ERG: variants seen among roughly 807,000 people sequenced by gnomAD.
ERG encodes the protein transcriptional regulator ERG.
A neutral mutation model predicts 55.3 loss-of-function variants in ERG; 9 were observed. The ratio of observed to expected loss-of-function variants is 0.16; its 90% CI spans 0.10 to 0.28. ERG has a LOEUF of 0.28. Among genes scored for constraint, ERG ranks in the 10% least tolerant of loss-of-function variants. The probability of loss-of-function intolerance (pLI) is 1.00; values close to 1 mark genes in which losing one functional copy is unlikely to be tolerated. For synonymous variants in ERG, 223 were observed against 237.3 expected (o/e 0.94, Z 0.55); for missense variants, 434 against 631.6 (o/e 0.69, Z 3.35).
At chr21:38,556,951 G>T (rs1226962610) in intron 2 of ERG, among the ~76,000 whole-genome samples, 2 of 152,198 alleles carry the variant, frequency 1.3e-5, no homozygotes, top group South Asian at 2.1e-4. Flanking sequence ...ACCCTCAGCA[G>T]AGCCTAACCC....
intron 1 of ERG, among the ~76,000 whole-genome samples, chr21:38,638,183 C>T (rs1251593777): frequency 6.6e-6 from 1 of 152,214 alleles, no homozygotes; most frequent in Non-Finnish European, 1.5e-5. Flanking sequence ...CCCATGGGAC[C>T]TTGAGCAAGT....
rs78165953 is a variant in ERG, at chr21:38,530,826, C to T, written c.-41+44836G>A. Among the ~76,000 whole-genome samples the T allele has an allele frequency of 9.3e-3, 1,412 of 152,204 alleles. 27 individuals are homozygous for T. The highest frequency in any genetic ancestry group is 0.032 in the African/African-American group (1,311 of 41,518). On this transcript the variant is annotated intron_variant, in intron 2 of 8. Transcript: ENST00000398897. ...CAAGAGCAACTGATCTTCAAAGTCCCGTCGAGTCACAGGATTTTGTAATGA... is the reference window on the plus strand; with the variant it reads ...CAAGAGCAACTGATCTTCAAAGTCCTGTCGAGTCACAGGATTTTGTAATGA...
chr21:38,574,366 C>T (rs2059981905), intron 2 of ERG, among the ~76,000 whole-genome samples: 1 of 152,190 alleles, frequency 6.6e-6, no homozygotes, highest in Admixed American at 6.5e-5. Context: ...AACAAAACAT[C>T]ACACAGAAAT....
chr21:38,455,936 G>A (rs1233168338), intron 1 of ERG, among the ~76,000 whole-genome samples: 1 of 151,708 alleles, frequency 6.6e-6, no homozygotes, highest in Non-Finnish European at 1.5e-5. Context: ...TGCAGGATGG[G>A]CACTTTAAGA....
chr21:38,622,596 ACAAT>A (rs1345585450), intron 1 of ERG, among the ~76,000 whole-genome samples: 1 of 149,400 alleles, frequency 6.7e-6, no homozygotes, highest in Non-Finnish European at 1.5e-5. Flanking sequence ...CACACCACAC[ACAAT>A]CACACACACA....
chr21:38,643,210 G>A (rs1458468730), intron 1 of ERG, among the ~76,000 whole-genome samples: 2 of 152,206 alleles, frequency 1.3e-5, no homozygotes, highest in Non-Finnish European at 2.9e-5. Flanking sequence ...TGCTTCACAG[G>A]TCCAGCCTGG....
At chr21:38,379,309 C>T (rs1987325280), downstream of ERG, among the ~76,000 whole-genome samples, 1 of 152,208 alleles carries the variant, frequency 6.6e-6, no homozygotes, top group Non-Finnish European at 1.5e-5. Flanking sequence ...CCTGCGACCT[C>T]CCTTCTAGAC....
chr21:38,515,202 G>A (rs993970256), intron 2 of ERG, among the ~76,000 whole-genome samples: 2 of 151,918 alleles, frequency 1.3e-5, no homozygotes, highest in African/African-American at 4.8e-5. Context: ...CAAAGTTTTT[G>A]TGAAACTTGA....
intron 1 of ERG, among the ~76,000 whole-genome samples, chr21:38,628,062 C>T (rs956465197): frequency 6.6e-6 from 1 of 151,726 alleles, no homozygotes. Context: ...ACACCTCCCA[C>T]CTCAGCCTCC....
At chr21:38,442,809 T>G (rs1012232263) in intron 2 of ERG, among the ~76,000 whole-genome samples, 28 of 152,294 alleles carry the variant, frequency 1.8e-4, no homozygotes, top group African/African-American at 6.3e-4. Flanking sequence ...TTTTTTATTT[T>G]TTATTTTTAT....
At chr21:38,645,307 G>C (rs1038260206) in intron 1 of ERG, among the ~76,000 whole-genome samples, 1 of 152,150 alleles carries the variant, frequency 6.6e-6, no homozygotes. Context: ...GTGAACTATG[G>C]CTATAGAGAA....
At chr21:38,442,511 G>A (rs997101433) in intron 2 of ERG, among the ~76,000 whole-genome samples, 3 of 152,220 alleles carry the variant, frequency 2.0e-5, no homozygotes, top group Non-Finnish European at 4.4e-5. Context: ...AACCACCCAA[G>A]AGCTTTCCCC....
At chr21:38,454,949 C>T (rs1383060184) in intron 1 of ERG, among the ~76,000 whole-genome samples, 1 of 152,154 alleles carries the variant, frequency 6.6e-6, no homozygotes, top group Admixed American at 6.5e-5. Flanking sequence ...TCAAATTCTA[C>T]ATTAGTTTGT....
At chr21:38,424,349 C>G (rs1238236514) in intron 2 of ERG, among the ~76,000 whole-genome samples, 1 of 152,120 alleles carries the variant, frequency 6.6e-6, no homozygotes, top group Non-Finnish European at 1.5e-5. Flanking sequence ...TATGCAAGCT[C>G]GAGTCCCATT....
chr21:38,421,278 C>T (rs775185608), intron 3 of ERG, among the ~76,000 whole-genome samples: 35 of 152,314 alleles, frequency 2.3e-4, no homozygotes, highest in Non-Finnish European at 3.5e-4. Flanking sequence ...TTCTCCCTTT[C>T]GTAATCTACC....
At chr21:38,466,715 A>G (rs190505864) in intron 1 of ERG, among the ~76,000 whole-genome samples, 2 of 152,320 alleles carry the variant, frequency 1.3e-5, no homozygotes, top group East Asian at 3.9e-4. Context: ...ATTTGCATGA[A>G]CCAACTTTAC....
At chr21:38,453,199 T>G (rs2058957284) in intron 1 of ERG, among the ~76,000 whole-genome samples, 2 of 152,224 alleles carry the variant, frequency 1.3e-5, no homozygotes, top group African/African-American at 2.4e-5. Flanking sequence ...CCACATAGGC[T>G]TAAATAGGGA....
chr21:38,592,234 T>C (rs1184362354), intron 1 of ERG, among the ~76,000 whole-genome samples: 1 of 152,200 alleles, frequency 6.6e-6, no homozygotes, highest in Non-Finnish European at 1.5e-5. Flanking sequence ...AATGCAGAGT[T>C]GGGAAAAGAT....
intron 2 of ERG, among the ~76,000 whole-genome samples, chr21:38,439,521 T>C (rs1172375413): frequency 2.0e-5 from 3 of 152,178 alleles, no homozygotes; most frequent in Admixed American, 2.0e-4. Context: ...GTGTGAACAC[T>C]TGGGGCTTTC....
Sources: gnomAD v4.1 joint callset for allele counts (sites outside exome capture counted in the v4.1 genomes callset) on GRCh38, gnomAD v4.1.1 for gene constraint, MANE v1.5 for transcripts, NCBI Gene and HGNC (gene_info 2026-07-23, HGNC 2026-07-21) for gene names.